The following ZNRF3 variants were observed in gnomAD, a reference collection of about 807,000 sequenced individuals.
The protein encoded by ZNRF3 is E3 ubiquitin-protein ligase ZNRF3.
Under a neutral mutation model 72.5 loss-of-function variants are expected in ZNRF3, and 23 were observed. The ratio of observed to expected loss-of-function variants is 0.32; its 90% CI spans 0.23 to 0.45. The LOEUF is 0.45. Ranked by LOEUF, ZNRF3 falls within the 20% of genes least tolerant of loss-of-function variation. ZNRF3 has a pLI of 1.00. For missense variants in ZNRF3, 1,169 were observed against 1,272.1 expected, an observed-to-expected ratio of 0.92 and a Z score of 1.23; for synonymous variants, 610 against 545.3, an observed-to-expected ratio of 1.12 and a Z score of -1.65.
At position 28,964,959 on chromosome 22, in the gene ZNRF3, T is replaced by C. The variant is rs115698159; in HGVS notation, c.301-22117T>C. Among the ~76,000 whole-genome samples the C allele has an allele frequency of 2.2e-3, 337 of 152,282 alleles. 3 individuals are homozygous for C. Among genetic ancestry groups the C allele is most frequent in the African/African-American group, 7.8e-3 (324 of 41,558 alleles). The stretch of plus-strand genomic sequence containing the variant: ...ACCTTTACCAGCCGAATTAGTAAGG[T>C]CTTGGCCTTGCCTTGTCTCGTATGC... On this transcript the variant is annotated intron_variant, in intron 1 of 8. Transcript: ENST00000544604.
At chr22:28,981,946 G>A (rs978010249) in intron 1 of ZNRF3, among the ~76,000 whole-genome samples, 2 of 152,092 alleles carry the variant, frequency 1.3e-5, no homozygotes, top group African/African-American at 2.4e-5. Flanking sequence ...GCAGTGAGCC[G>A]AGATCGCGCC....
At chr22:28,886,065 C>G (rs988688204) in intron 1 of ZNRF3, among the ~76,000 whole-genome samples, 2 of 152,178 alleles carry the variant, frequency 1.3e-5, no homozygotes, top group African/African-American at 4.8e-5. Flanking sequence ...TTTATCTGAG[C>G]TGTCTGAATA....
intron 1 of ZNRF3, among the ~76,000 whole-genome samples, chr22:28,949,311 G>A (rs1419279887): frequency 2.0e-5 from 3 of 152,174 alleles, no homozygotes; most frequent in Non-Finnish European, 2.9e-5. Flanking sequence ...GTCTGACTCT[G>A]TTGCCCAGGC....
intron 2 of ZNRF3, chr22:28,992,986 G>A (rs2123833850): frequency 6.6e-6 from 1 of 152,370 alleles, no homozygotes; most frequent in African/African-American, 2.4e-5. Flanking sequence ...GAACAGGGCA[G>A]AAGAAAAGGG....
At chr22:28,978,440 G>A (rs2035711306) in intron 1 of ZNRF3, among the ~76,000 whole-genome samples, 1 of 152,154 alleles carries the variant, frequency 6.6e-6, no homozygotes, top group Non-Finnish European at 1.5e-5. Context: ...ATGGCTCCCA[G>A]AACAGCCGTC....
intron 2 of ZNRF3, chr22:29,018,599 G>C (rs1397826690): frequency 1.3e-5 from 2 of 152,802 alleles, no homozygotes; most frequent in African/African-American, 4.8e-5. Context: ...GTATAGACTA[G>C]GAAGAGAGAA....
intron 2 of ZNRF3, among the ~76,000 whole-genome samples, chr22:29,015,267 T>C (rs1214585059): frequency 6.6e-6 from 1 of 152,252 alleles, no homozygotes; most frequent in Non-Finnish European, 1.5e-5. Context: ...TTTATTTTTC[T>C]AATAATTGCC....
At chr22:28,989,782 C>T (rs2035923101) in intron 2 of ZNRF3, among the ~76,000 whole-genome samples, 1 of 152,168 alleles carries the variant, frequency 6.6e-6, no homozygotes, top group East Asian at 1.9e-4. Flanking sequence ...CTCCCCACCA[C>T]CCACCCTCTT....
At chr22:29,009,658 C>T (rs1418589948) in intron 2 of ZNRF3, among the ~76,000 whole-genome samples, 2 of 151,996 alleles carry the variant, frequency 1.3e-5, no homozygotes, top group East Asian at 3.9e-4. Flanking sequence ...TTTTTATATA[C>T]CTGAATTAAA....
intron 1 of ZNRF3, among the ~76,000 whole-genome samples, chr22:28,952,968 C>T (rs1227825179): frequency 6.6e-6 from 1 of 152,190 alleles, no homozygotes; most frequent in Non-Finnish European, 1.5e-5. Flanking sequence ...CCTTGCCTGC[C>T]TTTGTGATGA....
intron 2 of ZNRF3, among the ~76,000 whole-genome samples, chr22:28,999,072 C>CT (rs778791451): frequency 4.4e-4 from 66 of 151,004 alleles, no homozygotes; most frequent in Non-Finnish European, 8.1e-4. Flanking sequence ...AATCCCAACA[C>CT]TTTGAGAGGC....
At chr22:29,051,048 T>C in intron 8 of ZNRF3, 100 bp downstream of exon 8, 2 of 1,363,864 alleles carry the variant, frequency 1.5e-6, no homozygotes, top group Non-Finnish European at 2.0e-6. Flanking sequence ...TTTGTGTCCT[T>C]GGTTTTAAAC....
chr22:28,886,949 C>G (rs541375527), intron 1 of ZNRF3, among the ~76,000 whole-genome samples: 19 of 151,990 alleles, frequency 1.3e-4, no homozygotes, highest in African/African-American at 4.1e-4. Flanking sequence ...GAGCGAGACA[C>G]TCTCTCAAAA....
intron 2 of ZNRF3, among the ~76,000 whole-genome samples, chr22:29,000,882 G>A (rs770545555): frequency 3.3e-5 from 5 of 151,856 alleles, no homozygotes; most frequent in Non-Finnish European, 5.9e-5. Context: ...TCAACCTCCC[G>A]GGATCAGGCG....
At position 28,883,916 on chromosome 22, in the gene ZNRF3, C is replaced by T. The variant is rs757131746; in HGVS notation, c.150C>T (p.Pro50=). The part of the protein sequence containing the change: ...LLGLLLAAAG[P]GAARAKETAF... ...GGCTGCTGCTGGCGGCCGCGGGGCC[C>T]GGCGCGGCGCGGGCCAAGGAGACGG... Residue 50 remains proline, a synonymous_variant, in exon 1 of 9, where the codon CCC becomes CCT. Coordinates refer to ENST00000544604, the MANE Select transcript of ZNRF3 (RefSeq NM_001206998.2). This position sits in a 1 kb window ranked among gnomAD's most constrained non-coding sequence, Gnocchi z 5.5. 12 of 1,176,402 alleles carry T rather than the reference C, an allele frequency of 1.0e-5. No individual in the cohort carries two copies. In the South Asian group the frequency reaches 1.8e-4, roughly 18 times the overall value. 72.9% of individuals were successfully genotyped at this position (1,176,402 alleles called of 1,614,324 possible). A position where few individuals can be genotyped will look rare whatever the true frequency, so the allele number is the denominator to read the frequency against.
intron 8 of ZNRF3, among the ~76,000 whole-genome samples, chr22:29,051,694 T>G (rs949434832): frequency 6.6e-6 from 1 of 150,424 alleles, no homozygotes; most frequent in African/African-American, 2.5e-5. Flanking sequence ...ATCACTTGAG[T>G]TCAGGAGTTC....
At chr22:28,885,857 G>A (rs1021571762) in intron 1 of ZNRF3, among the ~76,000 whole-genome samples, 2 of 151,758 alleles carry the variant, frequency 1.3e-5, no homozygotes, top group Admixed American at 1.3e-4. Context: ...TGTGAATTTG[G>A]CAGAAGGAAT....
intron 4 of ZNRF3, among the ~76,000 whole-genome samples, chr22:29,044,547 G>T (rs1313138260): frequency 6.6e-6 from 1 of 152,188 alleles, no homozygotes; most frequent in Non-Finnish European, 1.5e-5. Flanking sequence ...CTTGGCTCTT[G>T]GGGGGCCTGG....
chr22:28,891,561 C>T (rs112951054), intron 1 of ZNRF3, among the ~76,000 whole-genome samples: 4 of 152,216 alleles, frequency 2.6e-5, no homozygotes, highest in African/African-American at 9.7e-5. Context: ...ATGGCATGTG[C>T]CAGAGAGGTA....
Sources: allele counts gnomAD v4.1 joint callset (sites outside exome capture counted in the v4.1 genomes callset), GRCh38; gene constraint gnomAD v4.1.1; non-coding constraint Gnocchi (gnomAD v3.1); transcripts MANE v1.5; gene names NCBI Gene and HGNC (gene_info 2026-07-23, HGNC 2026-07-21).